The following AGFG1 variants were observed in gnomAD, a reference collection of about 807,000 sequenced individuals.
AGFG1 encodes arf-GAP domain and FG repeat-containing protein 1.
AGFG1 carries 10 observed loss-of-function variants against 60.6 expected under a neutral mutation model. The ratio of observed to expected loss-of-function variants is 0.16; its 90% confidence interval spans 0.10 to 0.28. The LOEUF (loss-of-function observed/expected upper bound fraction) is 0.28. AGFG1 is among the 10% of genes least tolerant of loss of function. The probability of loss-of-function intolerance (pLI) is 1.00; values close to 1 mark genes in which losing one functional copy is unlikely to be tolerated. For missense variants in AGFG1, 537 were observed against 676.5 expected (o/e 0.79, Z 2.29); for synonymous variants, 247 against 242.9 (o/e 1.02, Z -0.16).
rs1481434583 is a variant in AGFG1 at position 227,540,402 on chromosome 2, G to A, written c.1378+3409G>A. Among the ~76,000 whole-genome samples, 3 of 152,118 alleles carry A rather than the reference G, an allele frequency of 2.0e-5. No individual in the cohort carries two copies. The East Asian group carries it at 5.8e-4, about 29-fold the overall frequency. ...GATGTTCCCCACCTTGTGTCCAAGTGTTCTCATTGTTCAGTTCCCACCTAT... is the reference window on the plus strand; with the variant it reads ...GATGTTCCCCACCTTGTGTCCAAGTATTCTCATTGTTCAGTTCCCACCTAT... On this transcript the variant is annotated intron_variant, in intron 10 of 12. Coordinates refer to ENST00000310078, the MANE Select transcript of AGFG1 (RefSeq NM_004504.5).
intron 2 of AGFG1, among the ~76,000 whole-genome samples, chr2:227,515,211 G>A (rs924787950): frequency 1.1e-4 from 16 of 152,152 alleles, no homozygotes; most frequent in African/African-American, 3.9e-4. Flanking sequence ...GTGAGCCATC[G>A]TATTCAGCCC....
chr2:227,537,630 T>C (rs1692351397), intron 10 of AGFG1, among the ~76,000 whole-genome samples: 1 of 152,224 alleles, frequency 6.6e-6, no homozygotes, highest in African/African-American at 2.4e-5. Flanking sequence ...TTTCTCATGT[T>C]ATACCTCTGA....
intron 10 of AGFG1, among the ~76,000 whole-genome samples, chr2:227,544,146 C>CTTTTTTTTT (rs71039605): frequency 1.3e-5 from 1 of 75,756 alleles, no homozygotes; most frequent in Non-Finnish European, 2.3e-5. Flanking sequence ...CATTCTGTGT[C>CTTTTTTTTT]TTTTTTTTTT....
Position 227,533,582 on chromosome 2 carries a change from C to G in AGFG1, c.848C>G (p.Ala283Gly), listed in dbSNP as rs765334311. The change falls in exon 7 of 13, where the codon GCT becomes GGT. Residue 283 changes from alanine to glycine, a missense_variant. Transcript: ENST00000310078. ...GSAASVNANF[A>G]HFDNFPKSSS... The stretch of plus-strand genomic sequence containing the variant: ...GCTGCATCAGTAAATGCTAATTTTG[C>G]TCATTTTGATAACTTCCCCAAATCC... 1 of 1,613,706 alleles carries G rather than the reference C, an allele frequency of 6.2e-7. No individual in the cohort carries two copies. Among genetic ancestry groups the G allele is most frequent in the Non-Finnish European group, 8.5e-7 (1 of 1,179,748 alleles).
At chr2:227,512,923 T>G (rs1167813380) in intron 2 of AGFG1, among the ~76,000 whole-genome samples, 1 of 152,218 alleles carries the variant, frequency 6.6e-6, no homozygotes, top group African/African-American at 2.4e-5. Flanking sequence ...ATTGGCTTAG[T>G]GAAAAAAGAT....
rs533466695 is a variant in AGFG1, at chr2:227,555,737, A to G, written c.*1242A>G. Reference sequence around the variant, plus strand: ...TGAACTTGTTTAAGTATCTATGTACAGTAATGCCTCATTCATCTAGAGGTA... The same window carrying G: ...TGAACTTGTTTAAGTATCTATGTACGGTAATGCCTCATTCATCTAGAGGTA... On this transcript the variant is annotated 3_prime_UTR_variant, in exon 13 of 13. Coordinates refer to ENST00000310078, the MANE Select transcript of AGFG1 (RefSeq NM_004504.5). The G allele has an allele frequency of 1.7e-3, 264 of 152,592 alleles. No individual in the cohort carries two copies. Among genetic ancestry groups the G allele is most frequent in the Middle Eastern group, 3.4e-3 (1 of 294 alleles). 9.5% of individuals were successfully genotyped at this position (152,592 alleles called of 1,614,324 possible). A position where few individuals can be genotyped will look rare whatever the true frequency, so the allele number is the denominator to read the frequency against.
intron 9 of AGFG1, 90 bp from the exon 10 acceptor site, chr2:227,536,811 T>G: frequency 6.5e-7 from 1 of 1,537,218 alleles, no homozygotes; most frequent in Non-Finnish European, 8.9e-7. Context: ...AATCCTTGAG[T>G]TTTCTGTCTT....
intron 2 of AGFG1, among the ~76,000 whole-genome samples, chr2:227,492,014 T>C (rs1194766575): frequency 6.6e-6 from 1 of 152,176 alleles, no homozygotes; most frequent in Non-Finnish European, 1.5e-5. Context: ...GTGATCAGCT[T>C]TCACTTGAAG....
At chr2:227,499,769 G>A (rs74603278) in intron 2 of AGFG1, among the ~76,000 whole-genome samples, 2 of 152,208 alleles carry the variant, frequency 1.3e-5, no homozygotes, top group South Asian at 2.1e-4. Context: ...GTTTGTGTTA[G>A]GGGCCTCAGG....
chr2:227,494,346 T>G (rs574277685), intron 2 of AGFG1, among the ~76,000 whole-genome samples: 3 of 152,344 alleles, frequency 2.0e-5, no homozygotes, highest in African/African-American at 7.2e-5. Context: ...CATTTCAAAA[T>G]AAGTTGCCAT....
intron 2 of AGFG1, among the ~76,000 whole-genome samples, chr2:227,507,227 T>C (rs1691342426): frequency 1.3e-5 from 2 of 152,106 alleles, no homozygotes; most frequent in Non-Finnish European, 2.9e-5. Context: ...TACTCCTGTT[T>C]TCATGGGTAT....
intron 1 of AGFG1, among the ~76,000 whole-genome samples, chr2:227,473,253 AT>A (rs1309586177): frequency 6.6e-6 from 1 of 152,082 alleles, no homozygotes; most frequent in African/African-American, 2.4e-5. Flanking sequence ...GAAAGGATTA[AT>A]TGCGGGAGGG....
At chr2:227,514,755 G>C (rs2106198729) in intron 2 of AGFG1, among the ~76,000 whole-genome samples, 1 of 152,130 alleles carries the variant, frequency 6.6e-6, no homozygotes, top group African/African-American at 2.4e-5. Context: ...CCCCAAAAGA[G>C]ACCATCAAAA....
chr2:227,535,817 A>G (rs981678855), intron 8 of AGFG1, among the ~76,000 whole-genome samples: 7 of 152,152 alleles, frequency 4.6e-5, no homozygotes, highest in South Asian at 4.1e-4. Context: ...TATATAATAC[A>G]TGATTTATTG....
chr2:227,473,257 C>T (rs1340144853), intron 1 of AGFG1, among the ~76,000 whole-genome samples: 1 of 151,728 alleles, frequency 6.6e-6, no homozygotes, highest in Non-Finnish European at 1.5e-5. Context: ...GGATTAATTG[C>T]GGGAGGGGGA....
intron 10 of AGFG1, among the ~76,000 whole-genome samples, chr2:227,541,845 ATTTG>A (rs1448074645): frequency 2.0e-5 from 3 of 152,164 alleles, no homozygotes; most frequent in African/African-American, 7.2e-5. Flanking sequence ...ATGTTCTTCC[ATTTG>A]TTTGTGTCCT....
intron 1 of AGFG1, among the ~76,000 whole-genome samples, chr2:227,477,546 G>A (rs1357400765): frequency 2.6e-5 from 4 of 152,142 alleles, no homozygotes; most frequent in Admixed American, 6.5e-5. Context: ...ATATTTTGGG[G>A]ATTTAAATGG....
chr2:227,533,681 C>T lies in AGFG1; in HGVS notation c.947C>T (p.Thr316Met), dbSNP rs759500563. 6.2e-6 allele frequency: 10 copies of T among 1,613,820 alleles called. No homozygotes were observed. The highest frequency in any genetic ancestry group is 1.7e-4 in the Middle Eastern group (1 of 6,056). Reference sequence around the variant, plus strand: ...GCATCAGCTGTTAGTAAAGTTTCAACGAACAAAGCTGGTTTACAGACTGCA... The same window carrying T: ...GCATCAGCTGTTAGTAAAGTTTCAATGAACAAAGCTGGTTTACAGACTGCA... Reference protein sequence around the residue: ...QTASAVSKVSTNKAGLQTADK... With the variant: ...QTASAVSKVSMNKAGLQTADK... Residue 316 changes from threonine (T) to methionine (M), a missense_variant, in exon 7 of 13, where the codon ACG becomes ATG. Physicochemically the swap from Thr to Met is moderately conservative, Grantham distance 81. Coordinates refer to ENST00000310078, the MANE Select transcript of AGFG1 (RefSeq NM_004504.5).
At chr2:227,524,625 G>A in intron 4 of AGFG1, 137 bp from the exon 5 acceptor site, 1 of 883,512 alleles carries the variant, frequency 1.1e-6, no homozygotes, top group South Asian at 1.8e-5. Context: ...AAAAGATTGA[G>A]TGAAAAATGA....
Sources: gnomAD v4.1 joint callset for allele counts (sites outside exome capture counted in the v4.1 genomes callset) on GRCh38, gnomAD v4.1.1 for gene constraint, MANE v1.5 for transcripts, NCBI Gene and HGNC (gene_info 2026-07-23, HGNC 2026-07-21) for gene names.